BMPR1B: variants seen among roughly 807,000 people sequenced by gnomAD.
BMPR1B encodes bone morphogenetic protein receptor type-1B.
In BMPR1B, 12 loss-of-function variants were observed where a neutral mutation model predicts 59.1. The observed-to-expected ratio is 0.20, with a 90% CI of 0.13 to 0.33. BMPR1B has a LOEUF of 0.33. BMPR1B is among the 10% of genes least tolerant of loss of function. The pLI, the probability that BMPR1B is intolerant of heterozygous loss-of-function variation, is 1.00. For synonymous variants in BMPR1B, 237 were observed against 207.3 expected (o/e 1.14, Z -1.23); for missense variants, 550 against 610.9 (o/e 0.90, Z 1.05).
chr4:95,153,781 C>G (rs913416788), intron 12 of BMPR1B, among the ~76,000 whole-genome samples: 1 of 152,102 alleles, frequency 6.6e-6, no homozygotes, highest in Admixed American at 6.5e-5. Context: ...ACCCGGAAGG[C>G]GGAGGTTGCA....
At chr4:95,109,699 TTTATTA>T (rs10597656) in intron 4 of BMPR1B, among the ~76,000 whole-genome samples, 22 of 146,808 alleles carry the variant, frequency 1.5e-4, no homozygotes, top group South Asian at 2.1e-4. Flanking sequence ...AGAACTTCTT[TTTATTA>T]TTATTATTAT....
At chr4:94,920,770 AT>A (rs1728659225) in intron 2 of BMPR1B, among the ~76,000 whole-genome samples, 1 of 152,340 alleles carries the variant, frequency 6.6e-6, no homozygotes, top group African/African-American at 2.4e-5. Context: ...TTTGGGAGAA[AT>A]TCAAATCACA....
At chr4:94,871,246 G>A (rs902913989) in intron 1 of BMPR1B, among the ~76,000 whole-genome samples, 2 of 152,102 alleles carry the variant, frequency 1.3e-5, no homozygotes, top group East Asian at 1.9e-4. Flanking sequence ...GTAAAGTACC[G>A]TGTGCTTATT....
chr4:94,878,868 A>T (rs1202465010), intron 2 of BMPR1B, among the ~76,000 whole-genome samples: 4 of 150,334 alleles, frequency 2.7e-5, no homozygotes, highest in African/African-American at 9.8e-5. Context: ...TGACCTCCTT[A>T]TGTAATTAAG....
At chr4:94,997,687 A>G (rs536612284) in intron 3 of BMPR1B, among the ~76,000 whole-genome samples, 7 of 152,110 alleles carry the variant, frequency 4.6e-5, no homozygotes, top group Non-Finnish European at 2.9e-5. Context: ...GATTTTTGAC[A>G]ATATCTTTAT....
intron 3 of BMPR1B, among the ~76,000 whole-genome samples, chr4:95,083,620 C>A (rs1224335452): frequency 6.6e-6 from 1 of 152,176 alleles, no homozygotes; most frequent in Non-Finnish European, 1.5e-5. Context: ...CTCCTCAGAG[C>A]AGCCTAATAA....
chr4:94,972,634 T>G (rs1375253414), intron 2 of BMPR1B, among the ~76,000 whole-genome samples: 1 of 152,120 alleles, frequency 6.6e-6, no homozygotes, highest in African/African-American at 2.4e-5. Context: ...CCATTTTTTT[T>G]TTGGTCTTAT....
chr4:95,108,856 C>G (rs1264768429), intron 4 of BMPR1B, among the ~76,000 whole-genome samples: 5 of 152,178 alleles, frequency 3.3e-5, no homozygotes, highest in African/African-American at 1.2e-4. Flanking sequence ...CCATCGAGTT[C>G]CATTTCCAGA....
At chr4:94,946,579 A>ATACC (rs1360834794) in intron 2 of BMPR1B, among the ~76,000 whole-genome samples, 1 of 152,224 alleles carries the variant, frequency 6.6e-6, no homozygotes, top group African/African-American at 2.4e-5. Flanking sequence ...TTGAACCTTA[A>ATACC]TACCTGTTTG....
At chr4:94,887,631 C>A (rs1243809997) in intron 2 of BMPR1B, among the ~76,000 whole-genome samples, 1 of 151,480 alleles carries the variant, frequency 6.6e-6, no homozygotes, top group Non-Finnish European at 1.5e-5. Context: ...AATTACAGAA[C>A]ACCCAAGAGA....
intron 3 of BMPR1B, chr4:95,051,789 C>T (rs1460583933): frequency 6.5e-7 from 1 of 1,534,486 alleles, no homozygotes. Context: ...AGATCAGTGC[C>T]CTCCACTACA....
At chr4:94,811,523 T>A (rs1363397103) in intron 1 of BMPR1B, among the ~76,000 whole-genome samples, 1 of 152,210 alleles carries the variant, frequency 6.6e-6, no homozygotes, top group East Asian at 1.9e-4. Context: ...AAATCACTAT[T>A]TCTTTGCATT....
intron 3 of BMPR1B, among the ~76,000 whole-genome samples, chr4:95,014,672 G>A (rs1051996695): frequency 6.6e-6 from 1 of 152,120 alleles, no homozygotes; most frequent in Admixed American, 6.5e-5. Context: ...AATTCTAAAA[G>A]GGAACCTAAT....
At position 94,853,949 on chromosome 4, in the gene BMPR1B, C is replaced by G. The variant is rs937185984; in HGVS notation, c.-182-21882C>G. 2.6e-5 allele frequency among the ~76,000 whole-genome samples: 4 copies of G among 152,240 alleles called. No homozygotes were observed. The South Asian group carries it at 8.3e-4, about 32-fold the overall frequency. ...TTGATCAGAAATTTCTCAGTCATTCCAGTGATTTTACAGCCTTTTTCTTCA... is the reference window on the plus strand; with the variant it reads ...TTGATCAGAAATTTCTCAGTCATTCGAGTGATTTTACAGCCTTTTTCTTCA... On this transcript the variant is annotated intron_variant, in intron 1 of 12. Coordinates refer to ENST00000515059, the MANE Select transcript of BMPR1B (RefSeq NM_001203.3).
At chr4:95,104,802 C>A (rs777297675) in intron 4 of BMPR1B, among the ~76,000 whole-genome samples, 2 of 152,036 alleles carry the variant, frequency 1.3e-5, no homozygotes, top group Non-Finnish European at 2.9e-5. Flanking sequence ...TGAACACAGA[C>A]CTCAGATCCC....
intron 7 of BMPR1B, 60 bp downstream of exon 7, chr4:95,123,966 A>T: frequency 8.2e-7 from 1 of 1,223,816 alleles, no homozygotes; most frequent in Non-Finnish European, 1.2e-6. Flanking sequence ...TTTTACTAAT[A>T]TTCTGCTTTT....
chr4:94,880,463 A>G (rs923515695), intron 2 of BMPR1B, among the ~76,000 whole-genome samples: 2 of 151,920 alleles, frequency 1.3e-5, no homozygotes, highest in African/African-American at 2.4e-5. Flanking sequence ...CAGGGACTAC[A>G]AGCACACACC....
At position 94,873,155 on chromosome 4, in the gene BMPR1B, A is replaced by AT. The variant is rs145044826; in HGVS notation, c.-182-2675dup. 8.8e-3 allele frequency among the ~76,000 whole-genome samples: 1,344 copies of AT among 152,236 alleles called. 13 individuals carry two copies. Among genetic ancestry groups the AT allele is most frequent in the African/African-American group, 0.03 (1,267 of 41,544 alleles). ...GACTACTTCCTCTCACCTCCGGTCC[A>AT]TATGGCCAGAGCTTTACTTGTTCTG... On this transcript the variant is annotated intron_variant, in intron 1 of 12. Transcript: ENST00000515059.
chr4:95,126,033 A>G (rs1175932843), intron 8 of BMPR1B, among the ~76,000 whole-genome samples: 1 of 152,142 alleles, frequency 6.6e-6, no homozygotes, highest in East Asian at 1.9e-4. Context: ...CATCACTCCA[A>G]CTCATGGCTC....
Sources: gnomAD v4.1 joint callset for allele counts (sites outside exome capture counted in the v4.1 genomes callset) on GRCh38, gnomAD v4.1.1 for gene constraint, MANE v1.5 for transcripts, NCBI Gene and HGNC (gene_info 2026-07-23, HGNC 2026-07-21) for gene names.